Variants in GMDS observed in about 807,000 individuals in gnomAD.
GMDS encodes the protein GDP-mannose 4,6 dehydratase.
Under a neutral mutation model 49.9 loss-of-function variants are expected in GMDS, and 20 were observed. The observed-to-expected ratio is 0.40, with a 90% CI of 0.28 to 0.58. The LOEUF (loss-of-function observed/expected upper bound fraction) is 0.58, where lower values mean the gene tolerates loss of function less well. GMDS is among the 20% of genes least tolerant of loss of function. The pLI is 0.42. For synonymous variants in GMDS, 177 were observed against 178.6 expected, an observed-to-expected ratio of 0.99 and a Z score of 0.07; for missense variants, 362 against 481.4, an observed-to-expected ratio of 0.75 and a Z score of 2.32.
At chr6:1,713,256 C>T (rs1042032581) in intron 9 of GMDS, among the ~76,000 whole-genome samples, 3 of 152,216 alleles carry the variant, frequency 2.0e-5, no homozygotes, top group Non-Finnish European at 2.9e-5. Context: ...CCACTGCGGT[C>T]CCTGTGGGAT....
At chr6:2,128,117 C>T (rs140799797) in intron 1 of GMDS, among the ~76,000 whole-genome samples, 13 of 152,020 alleles carry the variant, frequency 8.6e-5, no homozygotes, top group African/African-American at 3.1e-4. Flanking sequence ...ATATTAAATG[C>T]CATACTATTT....
At chr6:1,959,304 T>C (rs1001467975) in intron 6 of GMDS, among the ~76,000 whole-genome samples, 2 of 152,198 alleles carry the variant, frequency 1.3e-5, no homozygotes, top group African/African-American at 2.4e-5. Context: ...TCACTACACA[T>C]TGTTTCAAAA....
chr6:2,180,700 G>A (rs1778481491), intron 1 of GMDS, among the ~76,000 whole-genome samples: 1 of 152,156 alleles, frequency 6.6e-6, no homozygotes, highest in Non-Finnish European at 1.5e-5. Flanking sequence ...AATAGCTAAT[G>A]TGAACAAATC....
chr6:2,036,727 C>T (rs72830129), intron 4 of GMDS, among the ~76,000 whole-genome samples: 7,227 of 152,174 alleles, frequency 0.047, 271 homozygotes, highest in Non-Finnish European at 0.069. Flanking sequence ...GTTATCCTCA[C>T]GAAGCATATT....
intron 4 of GMDS, among the ~76,000 whole-genome samples, chr6:2,026,537 T>G (rs1015458489): frequency 6.6e-6 from 1 of 152,242 alleles, no homozygotes; most frequent in Non-Finnish European, 1.5e-5. Flanking sequence ...GACATTTTTA[T>G]TTTCTACGTC....
intron 9 of GMDS, among the ~76,000 whole-genome samples, chr6:1,722,451 C>T (rs965724791): frequency 4.0e-5 from 6 of 151,144 alleles, no homozygotes; most frequent in Non-Finnish European, 7.4e-5. Context: ...TTTTGTTCAT[C>T]ATTGTACTCC....
intron 4 of GMDS, among the ~76,000 whole-genome samples, chr6:2,042,604 A>G (rs115953748): frequency 0.027 from 4,154 of 152,302 alleles, 68 homozygotes; most frequent in Non-Finnish European, 0.043. Flanking sequence ...AAAAAGTTGT[A>G]GCTTAAAAAA....
At position 1,998,183 on chromosome 6, in the gene GMDS, C is replaced by G. The variant is rs140373848; in HGVS notation, c.346-37217G>C. Among the ~76,000 whole-genome samples the G allele has an allele frequency of 1.2e-4, 19 of 152,198 alleles. 1 individual carries two copies. In the East Asian group the frequency reaches 3.7e-3, roughly 29 times the overall value. On this transcript the variant is annotated intron_variant, in intron 4 of 10. Coordinates refer to ENST00000380815, the MANE Select transcript of GMDS (RefSeq NM_001500.4). ...AAGAACAAATGAGAAACATAAATGT[C>G]ATATCCAGGAGTTATCATAGCTGTG...
intron 1 of GMDS, among the ~76,000 whole-genome samples, chr6:2,141,902 C>T (rs546319354): frequency 6.7e-5 from 10 of 149,360 alleles, no homozygotes; most frequent in African/African-American, 2.2e-4. Flanking sequence ...TCTCTTTCTT[C>T]TCCCCCACAA....
chr6:1,733,996 G>A (rs1289122291), intron 8 of GMDS, among the ~76,000 whole-genome samples: 1 of 152,206 alleles, frequency 6.6e-6, no homozygotes, highest in African/African-American at 2.4e-5. Context: ...TGGGACAGGG[G>A]AAAGGAGGGC....
intron 7 of GMDS, among the ~76,000 whole-genome samples, chr6:1,802,385 T>A (rs530445847): frequency 6.6e-6 from 1 of 152,364 alleles, no homozygotes; most frequent in East Asian, 1.9e-4. Flanking sequence ...GCATTTTCTA[T>A]AATAGGCATA....
At chr6:1,765,019 A>G (rs1246981436) in intron 7 of GMDS, among the ~76,000 whole-genome samples, 1 of 152,072 alleles carries the variant, frequency 6.6e-6, no homozygotes, top group African/African-American at 2.4e-5. Context: ...TAAATAGTAA[A>G]CAGCTGTGGG....
intron 1 of GMDS, among the ~76,000 whole-genome samples, chr6:2,215,822 T>C (rs1047802560): frequency 1.3e-5 from 2 of 152,220 alleles, no homozygotes; most frequent in East Asian, 1.9e-4. Flanking sequence ...TGAACATTGA[T>C]AGACATCTAA....
chr6:2,223,160 TAC>T (rs199880075), intron 1 of GMDS, among the ~76,000 whole-genome samples: 1 of 151,640 alleles, frequency 6.6e-6, no homozygotes, highest in South Asian at 2.1e-4. Context: ...TATATATATA[TAC>T]ACACATATAT....
intron 4 of GMDS, among the ~76,000 whole-genome samples, chr6:2,043,163 C>A (rs1337602347): frequency 6.6e-6 from 1 of 152,170 alleles, no homozygotes; most frequent in Non-Finnish European, 1.5e-5. Context: ...ATGGTTTGCC[C>A]ACAGTGACAG....
At chr6:2,000,566 T>C (rs933870652) in intron 4 of GMDS, among the ~76,000 whole-genome samples, 1 of 152,250 alleles carries the variant, frequency 6.6e-6, no homozygotes, top group Non-Finnish European at 1.5e-5. Context: ...ATTAGCATAA[T>C]ATTTTTAAGG....
At chr6:2,232,426 C>T in intron 1 of GMDS, among the ~76,000 whole-genome samples, 1 of 152,218 alleles carries the variant, frequency 6.6e-6, no homozygotes, top group East Asian at 1.9e-4. Context: ...CACTTATGGC[C>T]CATGAAATTT....
At chr6:2,021,638 A>G (rs1246911172) in intron 4 of GMDS, among the ~76,000 whole-genome samples, 2 of 152,174 alleles carry the variant, frequency 1.3e-5, no homozygotes, top group Non-Finnish European at 2.9e-5. Flanking sequence ...TCAGTTCCTA[A>G]AACTCTAATC....
chr6:1,713,606 A>G (rs1293595260), intron 9 of GMDS, among the ~76,000 whole-genome samples: 2 of 135,920 alleles, frequency 1.5e-5, no homozygotes, highest in African/African-American at 2.7e-5. Flanking sequence ...GATCAATGGG[A>G]CACACACACA....
Sources: allele counts gnomAD v4.1 joint callset (sites outside exome capture counted in the v4.1 genomes callset), GRCh38; gene constraint gnomAD v4.1.1; transcripts MANE v1.5; gene names NCBI Gene and HGNC (gene_info 2026-07-23, HGNC 2026-07-21).